The following DIS3L2 variants were observed in gnomAD, a reference collection of about 807,000 sequenced individuals.
The protein encoded by DIS3L2 is DIS3-like exonuclease 2.
A neutral mutation model predicts 97.5 loss-of-function variants in DIS3L2; 34 were observed. That is an observed-to-expected ratio of 0.35 (90% confidence interval 0.27 to 0.46). DIS3L2 has a LOEUF of 0.46. Among genes scored for constraint, DIS3L2 ranks in the 20% least tolerant of loss-of-function variants. The probability of loss-of-function intolerance (pLI) is 1.00; values close to 1 mark genes in which losing one functional copy is unlikely to be tolerated. For synonymous variants in DIS3L2, 435 were observed against 445.2 expected, an observed-to-expected ratio of 0.98 and a Z score of 0.29; for missense variants, 1,038 against 1,146.0, an observed-to-expected ratio of 0.91 and a Z score of 1.36.
At chr2:232,148,662 C>CA (rs1559678760) in intron 8 of DIS3L2, among the ~76,000 whole-genome samples, 1 of 150,008 alleles carries the variant, frequency 6.7e-6, no homozygotes, top group Non-Finnish European at 1.5e-5. Context: ...TCTTTGGACT[C>CA]AGAGTATAAC....
intron 13 of DIS3L2, among the ~76,000 whole-genome samples, chr2:232,280,962 A>G (rs1694267042): frequency 6.6e-6 from 1 of 152,188 alleles, no homozygotes; most frequent in Admixed American, 6.5e-5. Flanking sequence ...TGTCCCAGGC[A>G]GAGCATTGCC....
chr2:232,310,043 T>A (rs1695083184), intron 14 of DIS3L2, among the ~76,000 whole-genome samples: 1 of 152,198 alleles, frequency 6.6e-6, no homozygotes, highest in South Asian at 2.1e-4. Context: ...CCCAGTACTT[T>A]GGAAATGACA....
chr2:232,182,615 TTTA>T (rs1691322828), intron 9 of DIS3L2, among the ~76,000 whole-genome samples: 1 of 152,226 alleles, frequency 6.6e-6, no homozygotes, highest in South Asian at 2.1e-4. Flanking sequence ...TGCATGTGTG[TTTA>T]TAATTGTTTC....
At chr2:232,006,323 A>G (rs1378760039) in intron 1 of DIS3L2, among the ~76,000 whole-genome samples, 1 of 152,270 alleles carries the variant, frequency 6.6e-6, no homozygotes, top group Non-Finnish European at 1.5e-5. Flanking sequence ...TGGTACATAC[A>G]CCGTTGTAAC....
At chr2:232,086,473 C>T (rs1334303028) in intron 5 of DIS3L2, among the ~76,000 whole-genome samples, 1 of 147,422 alleles carries the variant, frequency 6.8e-6, no homozygotes, top group Non-Finnish European at 1.5e-5. Flanking sequence ...ATAACAAAGT[C>T]AGAATTCTGG....
chr2:232,137,964 G>A (rs1225654623), intron 8 of DIS3L2, among the ~76,000 whole-genome samples: 1 of 152,128 alleles, frequency 6.6e-6, no homozygotes. Flanking sequence ...TGTGCCACCT[G>A]GTCCTGTTGA....
chr2:232,130,406 A>G (rs922279136), intron 6 of DIS3L2, among the ~76,000 whole-genome samples: 5 of 152,192 alleles, frequency 3.3e-5, no homozygotes, highest in East Asian at 1.9e-4. Context: ...AATAATGTTA[A>G]GTAGATAAAA....
chr2:232,111,251 A>G (rs1189269603), intron 6 of DIS3L2: 2 of 471,278 alleles, frequency 4.2e-6, no homozygotes, highest in Non-Finnish European at 4.4e-6. Context: ...TCCCACAGGA[A>G]GTCAGTGAGT....
intron 14 of DIS3L2, 25 bp from the exon 15 acceptor site, chr2:232,329,788 C>CCGGGGGGGGCG: frequency 9.3e-7 from 1 of 1,080,634 alleles, no homozygotes; most frequent in Non-Finnish European, 1.3e-6. Context: ...CCAGCGGTCC[C>CCGGGGGGGGCG]TCCCATCCCA....
intron 1 of DIS3L2, among the ~76,000 whole-genome samples, chr2:231,978,239 T>G (rs1693153191): frequency 6.6e-6 from 1 of 152,248 alleles, no homozygotes. Flanking sequence ...AACCACCAGA[T>G]TAAGAAAACA....
chr2:231,973,811 A>G (rs548354786), intron 1 of DIS3L2, among the ~76,000 whole-genome samples: 1 of 152,318 alleles, frequency 6.6e-6, no homozygotes, highest in East Asian at 1.9e-4. Context: ...TTTCCCCACA[A>G]TATTGTGAGT....
At chr2:232,086,308 T>TAC (rs962416113) in intron 5 of DIS3L2, among the ~76,000 whole-genome samples, 1 of 147,326 alleles carries the variant, frequency 6.8e-6, no homozygotes, top group South Asian at 2.1e-4. Context: ...TATATACATA[T>TAC]GTATATGTAT....
At chr2:232,091,624 A>G (rs1696839308) in intron 6 of DIS3L2, among the ~76,000 whole-genome samples, 1 of 152,192 alleles carries the variant, frequency 6.6e-6, no homozygotes, top group African/African-American at 2.4e-5. Flanking sequence ...ATGGGAGTGC[A>G]GATATCTCTT....
chr2:231,963,033 C>T (rs1369129235), intron 1 of DIS3L2, among the ~76,000 whole-genome samples: 1 of 152,080 alleles, frequency 6.6e-6, no homozygotes, highest in African/African-American at 2.4e-5. Context: ...AATAGCTCAG[C>T]CGTGAACATA....
intron 13 of DIS3L2, among the ~76,000 whole-genome samples, chr2:232,296,164 G>T (rs187608019): frequency 2.6e-5 from 4 of 152,310 alleles, no homozygotes. Context: ...AGGGTGAGTA[G>T]CAATAGCATC....
chr2:232,155,126 C>A (rs981894566), intron 8 of DIS3L2, among the ~76,000 whole-genome samples: 4 of 149,936 alleles, frequency 2.7e-5, no homozygotes, highest in African/African-American at 7.4e-5. Flanking sequence ...GAGATGAACC[C>A]GGTACCTCAG....
At chr2:232,334,096 C>T (rs1695859436) in intron 17 of DIS3L2, 109 bp downstream of exon 17, 1 of 1,471,538 alleles carries the variant, frequency 6.8e-7, no homozygotes, top group Non-Finnish European at 9.0e-7. Flanking sequence ...AGCGGAGGTC[C>T]AAGGGTCGGG....
At chr2:232,184,146 T>A (rs898934857) in intron 9 of DIS3L2, among the ~76,000 whole-genome samples, 2 of 152,196 alleles carry the variant, frequency 1.3e-5, no homozygotes, top group South Asian at 4.1e-4. Context: ...TACACTAAAT[T>A]TGATTTTGAC....
At chr2:232,271,367 C>T (rs935229917) in intron 13 of DIS3L2, among the ~76,000 whole-genome samples, 7 of 152,198 alleles carry the variant, frequency 4.6e-5, no homozygotes, top group Non-Finnish European at 1.0e-4. Context: ...GTTGGTCTGA[C>T]ATGAATAATT....
Sources: allele counts gnomAD v4.1 joint callset (sites outside exome capture counted in the v4.1 genomes callset), GRCh38; gene constraint gnomAD v4.1.1; transcripts MANE v1.5; gene names NCBI Gene and HGNC (gene_info 2026-07-23, HGNC 2026-07-21).